The following ABCA13 variants were observed in gnomAD, a reference collection of about 807,000 sequenced individuals.
The protein encoded by ABCA13 is ATP-binding cassette sub-family A member 13.
In ABCA13, 476 loss-of-function variants were observed where a neutral mutation model predicts 478.7. The observed-to-expected ratio is 0.99, with a 90% confidence interval of 0.92 to 1.07. The LOEUF is 1.07. Ranked by LOEUF, ABCA13 falls within the 50% of genes least tolerant of loss-of-function variation. ABCA13 has a pLI of 0.00. For missense variants in ABCA13, 6,060 were observed against 5,910.6 expected (o/e 1.03, Z -0.83); for synonymous variants, 2,252 against 2,158.9 (o/e 1.04, Z -1.20).
At chr7:48,390,964 T>C (rs1815958942) in intron 37 of ABCA13, among the ~76,000 whole-genome samples, 1 of 152,236 alleles carries the variant, frequency 6.6e-6, no homozygotes, top group African/African-American at 2.4e-5. Flanking sequence ...GGAGTGGATT[T>C]GCTAGGTCCT....
At chr7:48,282,891 C>T (rs1797241386) in intron 19 of ABCA13, among the ~76,000 whole-genome samples, 1 of 152,244 alleles carries the variant, frequency 6.6e-6, no homozygotes, top group South Asian at 2.1e-4. Flanking sequence ...ACAAACCTGG[C>T]ACATGGGGAT....
intron 47 of ABCA13, among the ~76,000 whole-genome samples, chr7:48,488,484 C>T (rs17662629): frequency 0.22 from 32,831 of 151,926 alleles, 3,898 homozygotes; most frequent in East Asian, 0.38. Flanking sequence ...TGTGAGGCAG[C>T]GGTAATTCTA....
intron 1 of ABCA13, among the ~76,000 whole-genome samples, chr7:48,190,720 C>G (rs1796991420): frequency 6.6e-6 from 1 of 152,088 alleles, no homozygotes; most frequent in African/African-American, 2.4e-5. Context: ...TATTATGTAG[C>G]CTTTAAAAGT....
chr7:48,340,567 G>A (rs1322653347), intron 29 of ABCA13, among the ~76,000 whole-genome samples: 1 of 152,072 alleles, frequency 6.6e-6, no homozygotes, highest in Non-Finnish European at 1.5e-5. Context: ...TTTTTTAGGT[G>A]AATTTATATG....
At chr7:48,459,105 C>A (rs1302179935) in intron 43 of ABCA13, among the ~76,000 whole-genome samples, 1 of 152,180 alleles carries the variant, frequency 6.6e-6, no homozygotes, top group Non-Finnish European at 1.5e-5. Context: ...AAAAGGGTGG[C>A]AGGGCCTCTG....
intron 29 of ABCA13, among the ~76,000 whole-genome samples, chr7:48,340,146 A>G (rs1806909818): frequency 6.6e-6 from 1 of 152,122 alleles, no homozygotes. Flanking sequence ...TGCTCTTGTC[A>G]TCCAGGCTGT....
At chr7:48,240,309 A>G (rs1297385527) in intron 9 of ABCA13, among the ~76,000 whole-genome samples, 2 of 152,204 alleles carry the variant, frequency 1.3e-5, no homozygotes, top group South Asian at 4.1e-4. Context: ...TCTGGGTAAC[A>G]TAACTCATGG....
intron 46 of ABCA13, 38 bp downstream of exon 46, chr7:48,481,192 G>C (rs1278743304): frequency 9.1e-6 from 13 of 1,432,922 alleles, no homozygotes; most frequent in Non-Finnish European, 1.2e-5. Flanking sequence ...TACTTGTTTG[G>C]ATTACTATGG....
chr7:48,562,428 C>G (rs1181293861), intron 55 of ABCA13, among the ~76,000 whole-genome samples: 1 of 152,016 alleles, frequency 6.6e-6, no homozygotes, highest in African/African-American at 2.4e-5. Flanking sequence ...TCACCATGGG[C>G]AAAAACTCTT....
intron 41 of ABCA13, among the ~76,000 whole-genome samples, chr7:48,420,784 G>A (rs2362299): frequency 6.8e-6 from 1 of 147,746 alleles, no homozygotes. Context: ...AAAAAGAATT[G>A]CTGTAAAATC....
intron 55 of ABCA13, among the ~76,000 whole-genome samples, chr7:48,575,338 G>A (rs1372742553): frequency 1.3e-5 from 2 of 152,010 alleles, no homozygotes; most frequent in African/African-American, 4.8e-5. Context: ...ATACTCTAAA[G>A]ACTTAAAGGT....
At chr7:48,489,392 T>A (rs879020724) in intron 48 of ABCA13, 48 bp downstream of exon 48, 1 of 1,452,596 alleles carries the variant, frequency 6.9e-7, no homozygotes, top group Admixed American at 2.1e-5. Context: ...CAAAAGACAA[T>A]GTTTTTAAAA....
chr7:48,490,807 G>A (rs1317099355), intron 48 of ABCA13, among the ~76,000 whole-genome samples: 1 of 152,142 alleles, frequency 6.6e-6, no homozygotes, highest in Non-Finnish European at 1.5e-5. Context: ...GCAATGGACA[G>A]GCTTTACCAA....
chr7:48,558,181 C>CCCTT (rs1159760926), intron 55 of ABCA13, among the ~76,000 whole-genome samples: 4 of 121,222 alleles, frequency 3.3e-5, no homozygotes, highest in African/African-American at 3.4e-5. Flanking sequence ...CTCCCTTCCT[C>CCCTT]CCTTCCTTCC....
rs762508606 is a variant in ABCA13 at position 48,587,154 on chromosome 7, G to C, written c.14506G>C (p.Val4836Leu). The C allele has an allele frequency of 6.2e-7, 1 of 1,613,200 alleles. No homozygotes were observed. Among genetic ancestry groups the C allele is most frequent in the Admixed American group, 1.7e-5 (1 of 59,938 alleles). The change falls in exon 57 of 62, where the codon GTT becomes CTT. Residue 4836 changes from valine (V) to leucine (L), a missense_variant and splice_region_variant. Coordinates refer to ENST00000435803, the MANE Select transcript of ABCA13 (RefSeq NM_152701.5). ...GCACATGGACATGCCTCTCTTCCAG[G>C]TTGCTGGAGACCTCATCAGGCGCTT... ...RGIPRQCIPE[V>L]AGDLIRRLHL...
intron 55 of ABCA13, among the ~76,000 whole-genome samples, chr7:48,541,889 C>A (rs1833967071): frequency 6.8e-6 from 1 of 147,036 alleles, no homozygotes; most frequent in South Asian, 2.1e-4. Flanking sequence ...CACTCAGAAA[C>A]TGGGTTAAAA....
intron 29 of ABCA13, among the ~76,000 whole-genome samples, chr7:48,341,327 C>T (rs1484013798): frequency 6.7e-6 from 1 of 149,028 alleles, no homozygotes; most frequent in Non-Finnish European, 1.5e-5. Flanking sequence ...GCAGGCTAGC[C>T]GCTCCTGCCA....
At chr7:48,464,524 G>T (rs1225359917) in intron 43 of ABCA13, among the ~76,000 whole-genome samples, 2 of 152,200 alleles carry the variant, frequency 1.3e-5, no homozygotes, top group Non-Finnish European at 2.9e-5. Flanking sequence ...CCACAGAGGT[G>T]TTTGCATTTT....
intron 19 of ABCA13, 79 bp downstream of exon 19, chr7:48,281,531 A>G: frequency 8.1e-7 from 1 of 1,239,144 alleles, no homozygotes; most frequent in East Asian, 2.6e-5. Flanking sequence ...AGATGAGTAT[A>G]TTGCACTTGA....
Sources: gnomAD v4.1 joint callset for allele counts (sites outside exome capture counted in the v4.1 genomes callset) on GRCh38, gnomAD v4.1.1 for gene constraint, MANE v1.5 for transcripts, NCBI Gene and HGNC (gene_info 2026-07-23, HGNC 2026-07-21) for gene names.